BTRC: variants seen among roughly 807,000 people sequenced by gnomAD.
BTRC encodes F-box/WD repeat-containing protein 1A.
Under a neutral mutation model 85.5 loss-of-function variants are expected in BTRC, and 42 were observed. That is an observed-to-expected ratio of 0.49 (90% CI 0.38 to 0.64). The LOEUF (loss-of-function observed/expected upper bound fraction) is 0.64. Among genes scored for constraint, BTRC ranks in the 30% least tolerant of loss-of-function variants. The pLI is 0.00. For missense variants in BTRC, 594 were observed against 743.5 expected (o/e 0.80, Z 2.34); for synonymous variants, 255 against 263.3 (o/e 0.97, Z 0.30).
At chr10:101,419,249 G>A (rs369047909) in intron 1 of BTRC, among the ~76,000 whole-genome samples, 83 of 152,170 alleles carry the variant, frequency 5.5e-4, no homozygotes, top group African/African-American at 1.9e-3. Context: ...GACCTCAGGC[G>A]ATCCACCCAC....
At chr10:101,482,709 G>A (rs903977802) in intron 4 of BTRC, among the ~76,000 whole-genome samples, 14 of 151,962 alleles carry the variant, frequency 9.2e-5, no homozygotes, top group African/African-American at 3.4e-4. Flanking sequence ...GTTTCTATTG[G>A]CCTCTATTGC....
intron 5 of BTRC, among the ~76,000 whole-genome samples, chr10:101,522,323 A>G (rs2062120433): frequency 7.8e-6 from 1 of 128,550 alleles, no homozygotes; most frequent in Non-Finnish European, 1.6e-5. Flanking sequence ...TACAGGCGTG[A>G]GCCACCACGC....
intron 1 of BTRC, among the ~76,000 whole-genome samples, chr10:101,386,878 A>C (rs1943092789): frequency 6.6e-6 from 1 of 152,088 alleles, no homozygotes; most frequent in Non-Finnish European, 1.5e-5. Context: ...ATAGCCTCAT[A>C]TTTTCTACTA....
chr10:101,370,051 A>G (rs1307796242), intron 1 of BTRC, among the ~76,000 whole-genome samples: 2 of 152,106 alleles, frequency 1.3e-5, no homozygotes, highest in Non-Finnish European at 2.9e-5. Flanking sequence ...TCACATTTGG[A>G]CTTCAACACT....
At chr10:101,396,433 A>G (rs1257239425) in intron 1 of BTRC, among the ~76,000 whole-genome samples, 1 of 145,120 alleles carries the variant, frequency 6.9e-6, no homozygotes, top group Non-Finnish European at 1.5e-5. Context: ...TTTGGTAGAG[A>G]CATGGTCTCA....
intron 3 of BTRC, among the ~76,000 whole-genome samples, chr10:101,477,009 C>T (rs1259106528): frequency 6.6e-6 from 1 of 152,056 alleles, no homozygotes; most frequent in African/African-American, 2.4e-5. Context: ...CAGAGTCTTG[C>T]TCTGTCACCC....
At chr10:101,395,972 G>A (rs530369873) in intron 1 of BTRC, among the ~76,000 whole-genome samples, 2 of 152,054 alleles carry the variant, frequency 1.3e-5, no homozygotes, top group African/African-American at 4.8e-5. Flanking sequence ...ATGGGAGAAG[G>A]TTTTGTATTT....
At chr10:101,447,191 C>G (rs1032110246) in intron 2 of BTRC, among the ~76,000 whole-genome samples, 7 of 152,152 alleles carry the variant, frequency 4.6e-5, no homozygotes, top group African/African-American at 1.7e-4. Flanking sequence ...GTGGCTAATG[C>G]TCTTTTGGCA....
Position 101,366,787 on chromosome 10 carries a change from TA to T in BTRC, c.48+12560del, listed in dbSNP as rs1427944291. 3.1e-3 allele frequency among the ~76,000 whole-genome samples: 298 copies of T among 97,564 alleles called. 11 individuals carry two copies. The highest frequency in any genetic ancestry group is 1.0e-2 in the African/African-American group (277 of 27,710). 64.0% of individuals were successfully genotyped at this position (97,564 alleles called of 152,430 possible). A position where few individuals can be genotyped will look rare whatever the true frequency, so the allele number is the denominator to read the frequency against. On this transcript the variant is annotated intron_variant, in intron 1 of 14. Transcript: ENST00000370187. ...CTAGTTATATATATATATATATATA[TA>T]TTTTTACATTTATATATATATTTAT...
chr10:101,448,041 C>T (rs146492575), intron 2 of BTRC, among the ~76,000 whole-genome samples: 100 of 152,082 alleles, frequency 6.6e-4, no homozygotes, highest in African/African-American at 2.1e-3. Context: ...AAGATAGTTA[C>T]GGTGTGGAAA....
chr10:101,404,891 A>G (rs933795989), intron 1 of BTRC, among the ~76,000 whole-genome samples: 2 of 151,616 alleles, frequency 1.3e-5, no homozygotes, highest in African/African-American at 4.8e-5. Flanking sequence ...CCAGCTACTC[A>G]GGAGGCTGAG....
chr10:101,513,647 G>A (rs1479146710), intron 4 of BTRC, among the ~76,000 whole-genome samples: 1 of 152,110 alleles, frequency 6.6e-6, no homozygotes, highest in African/African-American at 2.4e-5. Context: ...CCATTCTACA[G>A]CAGCATCACA....
At chr10:101,535,617 G>A in intron 11 of BTRC, 145 bp downstream of exon 11, 1 of 509,824 alleles carries the variant, frequency 2.0e-6, no homozygotes, top group East Asian at 3.4e-5. Flanking sequence ...TCAGAAGTTT[G>A]CCCCAGGCAG....
intron 2 of BTRC, among the ~76,000 whole-genome samples, chr10:101,441,813 G>A (rs1036881497): frequency 3.5e-5 from 5 of 144,548 alleles, no homozygotes; most frequent in African/African-American, 1.0e-4. Flanking sequence ...CCTGGGAGGC[G>A]GAGATAGCAG....
At chr10:101,482,741 T>C (rs1393015364) in intron 4 of BTRC, among the ~76,000 whole-genome samples, 1 of 152,128 alleles carries the variant, frequency 6.6e-6, no homozygotes, top group Non-Finnish European at 1.5e-5. Flanking sequence ...ATGGAATGAC[T>C]TGTCATTATT....
intron 1 of BTRC, among the ~76,000 whole-genome samples, chr10:101,356,214 A>T (rs779702860): frequency 6.6e-6 from 1 of 152,084 alleles, no homozygotes; most frequent in African/African-American, 2.4e-5. Flanking sequence ...GTTGGCCAGG[A>T]TGGTCTCATC....
intron 13 of BTRC, among the ~76,000 whole-genome samples, chr10:101,544,829 C>T (rs1247339386): frequency 7.9e-5 from 12 of 152,042 alleles, no homozygotes; most frequent in African/African-American, 2.9e-4. Context: ...GAGTCTGAGG[C>T]GGTGGATTGC....
intron 1 of BTRC, among the ~76,000 whole-genome samples, chr10:101,358,043 A>AAC (rs766744730): frequency 1.5e-3 from 231 of 152,044 alleles, no homozygotes; most frequent in African/African-American, 5.5e-3. Flanking sequence ...AAAACACACA[A>AAC]ACACACACAC....
At chr10:101,527,266 A>G (rs1368728201) in intron 6 of BTRC, among the ~76,000 whole-genome samples, 1 of 152,214 alleles carries the variant, frequency 6.6e-6, no homozygotes, top group African/African-American at 2.4e-5. Flanking sequence ...ATTTTCATGA[A>G]AAAGTAGTTG....
Sources: allele counts gnomAD v4.1 joint callset (sites outside exome capture counted in the v4.1 genomes callset), GRCh38; gene constraint gnomAD v4.1.1; transcripts MANE v1.5; gene names NCBI Gene and HGNC (gene_info 2026-07-23, HGNC 2026-07-21).